PDE4D: variants seen among roughly 807,000 people sequenced by gnomAD.
PDE4D encodes the protein phosphodiesterase 4D.
A neutral mutation model predicts 87.4 loss-of-function variants in PDE4D; 24 were observed. That is an observed-to-expected ratio of 0.27 (90% CI 0.20 to 0.39). The LOEUF is 0.39. Ranked by LOEUF, PDE4D falls within the 10% of genes least tolerant of loss-of-function variation. PDE4D has a pLI of 1.00. For missense variants in PDE4D, 714 were observed against 1,041.0 expected (o/e 0.69, Z 4.32); for synonymous variants, 384 against 383.2 (o/e 1.00, Z -0.02).
At chr5:59,913,112 A>AAAG (rs150337836) in intron 3 of PDE4D, among the ~76,000 whole-genome samples, 2,294 of 152,320 alleles carry the variant, frequency 0.015, 52 homozygotes, top group East Asian at 0.086. Context: ...ATTACAGGGA[A>AAAG]AAGAAAACTA....
At chr5:60,016,944 T>A (rs2152849234) in intron 2 of PDE4D, among the ~76,000 whole-genome samples, 1 of 152,344 alleles carries the variant, frequency 6.6e-6, no homozygotes, top group East Asian at 1.9e-4. Flanking sequence ...CCAGATCCTT[T>A]AGAGAAATCA....
At chr5:60,348,215 C>A (rs1758891119) in intron 1 of PDE4D, among the ~76,000 whole-genome samples, 1 of 152,062 alleles carries the variant, frequency 6.6e-6, no homozygotes, top group African/African-American at 2.4e-5. Flanking sequence ...CCAGCAAATT[C>A]CTTTCAGTTA....
intron 5 of PDE4D, among the ~76,000 whole-genome samples, chr5:59,041,180 T>C (rs997139967): frequency 3.2e-4 from 48 of 152,304 alleles, no homozygotes; most frequent in African/African-American, 1.1e-3. Flanking sequence ...AAGATATTAA[T>C]AATTTTAAAT....
At chr5:59,498,758 T>C (rs1280442980) in intron 1 of PDE4D, among the ~76,000 whole-genome samples, 1 of 152,070 alleles carries the variant, frequency 6.6e-6, no homozygotes, top group African/African-American at 2.4e-5. Flanking sequence ...ATGTTCAACA[T>C]TGGAGGATAC....
At chr5:60,254,307 A>G (rs1418223905) in intron 1 of PDE4D, among the ~76,000 whole-genome samples, 1 of 151,912 alleles carries the variant, frequency 6.6e-6, no homozygotes, top group Non-Finnish European at 1.5e-5. Context: ...TGCTCAATTC[A>G]TGCTTATGCC....
intron 1 of PDE4D, among the ~76,000 whole-genome samples, chr5:59,265,784 G>A (rs1003399736): frequency 6.6e-6 from 1 of 152,028 alleles, no homozygotes. Context: ...AGACTAATGA[G>A]TACTGTCTAG....
rs188462764 is a variant in PDE4D at position 59,684,447 on chromosome 5, A to C, written c.455+208721T>G. Among the ~76,000 whole-genome samples, 408 of 152,324 alleles carry C rather than the reference A, an allele frequency of 2.7e-3. 1 individual carries two copies. The highest frequency in any genetic ancestry group is 4.6e-3 in the Admixed American group (70 of 15,300). On this transcript the variant is annotated intron_variant, in intron 1 of 14. Coordinates refer to ENST00000340635, the MANE Select transcript of PDE4D (RefSeq NM_001104631.2). ...AAAACAATAAATATCACAGAAAAAT[A>C]CAAGAATTTTTGAATTACAAAAGAG... is the stretch of plus-strand genomic sequence containing the variant.
chr5:60,337,388 T>TATATATATATACACAC (rs66871903), intron 1 of PDE4D, among the ~76,000 whole-genome samples: 106 of 89,352 alleles, frequency 1.2e-3, no homozygotes, highest in Middle Eastern at 7.8e-3. Context: ...TATATATATA[T>TATATATATATACACAC]ACACACACAC....
At chr5:59,393,315 C>T (rs1297881028) in intron 1 of PDE4D, among the ~76,000 whole-genome samples, 1 of 152,118 alleles carries the variant, frequency 6.6e-6, no homozygotes, top group Non-Finnish European at 1.5e-5. Context: ...TACGTAAAGG[C>T]ACTTTATGAT....
intron 1 of PDE4D, among the ~76,000 whole-genome samples, chr5:59,722,420 A>C (rs934368918): frequency 6.6e-6 from 1 of 152,186 alleles, no homozygotes; most frequent in African/African-American, 2.4e-5. Context: ...GTTTATTCTA[A>C]CTTAATTTAA....
intron 1 of PDE4D, among the ~76,000 whole-genome samples, chr5:59,651,210 C>G (rs1045338736): frequency 7.3e-5 from 11 of 150,180 alleles, no homozygotes; most frequent in Non-Finnish European, 1.3e-4. Flanking sequence ...GAGCCGAGAT[C>G]GCGCCACTGC....
At chr5:60,160,071 A>G (rs1782339272) in intron 2 of PDE4D, among the ~76,000 whole-genome samples, 1 of 152,176 alleles carries the variant, frequency 6.6e-6, no homozygotes. Flanking sequence ...CTCAACATGA[A>G]GATGAAGAGG....
chr5:59,766,292 G>A (rs1397222377), intron 1 of PDE4D, among the ~76,000 whole-genome samples: 2 of 152,228 alleles, frequency 1.3e-5, no homozygotes, highest in South Asian at 2.1e-4. Flanking sequence ...ACTGAAAATC[G>A]ATACCATGAT....
chr5:60,473,621 C>T (rs1427234479), intron 1 of PDE4D, among the ~76,000 whole-genome samples: 1 of 152,066 alleles, frequency 6.6e-6, no homozygotes, highest in Non-Finnish European at 1.5e-5. Flanking sequence ...ACAAATCTTG[C>T]TGCCCTGGCA....
chr5:59,452,655 C>T (rs767392759), intron 1 of PDE4D, among the ~76,000 whole-genome samples: 2 of 152,194 alleles, frequency 1.3e-5, no homozygotes, highest in African/African-American at 2.4e-5. Flanking sequence ...CAATGTGCTA[C>T]ATCTATCTAA....
chr5:60,417,004 TATTA>T (rs1204299189), intron 1 of PDE4D, among the ~76,000 whole-genome samples: 3 of 152,246 alleles, frequency 2.0e-5, no homozygotes, highest in Non-Finnish European at 4.4e-5. Context: ...CCTACATGGT[TATTA>T]ATTAATCAAA....
chr5:60,353,852 A>T (rs1464546869), intron 1 of PDE4D, among the ~76,000 whole-genome samples: 1 of 152,280 alleles, frequency 6.6e-6, no homozygotes, highest in Admixed American at 6.5e-5. Context: ...TGAGAAATTC[A>T]CTGGGCCAGG....
chr5:60,120,911 G>A (rs938632253), intron 2 of PDE4D, among the ~76,000 whole-genome samples: 4 of 152,098 alleles, frequency 2.6e-5, no homozygotes, highest in Non-Finnish European at 5.9e-5. Context: ...GAGTCAGTGG[G>A]CTGGGAAAGG....
intron 6 of PDE4D, among the ~76,000 whole-genome samples, chr5:59,000,698 T>A (rs910331479): frequency 3.9e-5 from 6 of 152,136 alleles, no homozygotes; most frequent in Non-Finnish European, 8.8e-5. Flanking sequence ...AATATTTTAT[T>A]TATTTATTTA....
Sources: allele counts gnomAD v4.1 joint callset (sites outside exome capture counted in the v4.1 genomes callset), GRCh38; gene constraint gnomAD v4.1.1; transcripts MANE v1.5; gene names NCBI Gene and HGNC (gene_info 2026-07-23, HGNC 2026-07-21).